NKAP: variants seen among roughly 807,000 people sequenced by gnomAD.
NKAP encodes NFKB activating protein, also known as NF-kappa-B-activating protein.
NKAP carries 4 observed loss-of-function variants against 35.6 expected under a neutral mutation model. The ratio of observed to expected loss-of-function variants is 0.11; its 90% confidence interval spans 0.06 to 0.26. The LOEUF (loss-of-function observed/expected upper bound fraction) is 0.26. NKAP is among the 10% of genes least tolerant of loss of function. NKAP has a pLI of 1.00. For missense variants in NKAP, 238 were observed against 321.9 expected (o/e 0.74, Z 1.99); for synonymous variants, 106 against 119.2 (o/e 0.89, Z 0.72).
Position 119,943,699 on chromosome X carries a change from G to T in NKAP, c.-94C>A. 1 of 996,458 alleles carries T rather than the reference G, an allele frequency of 1.0e-6. No homozygotes were observed. Among genetic ancestry groups the T allele is most frequent in the Non-Finnish European group, 1.3e-6 (1 of 751,901 alleles). The allele number at this position is 996,458 out of a possible 1,213,427, so 82.1% of individuals were successfully genotyped here. On this transcript the variant is annotated 5_prime_UTR_variant, in exon 1 of 9. Transcript: ENST00000371410. ...GCCTTGGTTCCCGGGACCTGCCGCTGCGGAACAGCCCAAATCTGAGGAAAC... is the reference window on the plus strand; with the variant it reads ...GCCTTGGTTCCCGGGACCTGCCGCTTCGGAACAGCCCAAATCTGAGGAAAC...
At chrX:119,943,045 G>T in intron 1 of NKAP, 175 bp downstream of exon 1, 1 of 604,920 alleles carries the variant, frequency 1.7e-6, no homozygotes, top group Non-Finnish European at 2.5e-6. Context: ...GAGGGTAAGG[G>T]AAAATGAAAA....
Position 119,943,426 on chromosome X carries a change from C to T in NKAP, c.180G>A (p.Leu60=), listed in dbSNP as rs751407527. 2 of 1,210,691 alleles carry T rather than the reference C, an allele frequency of 1.7e-6. No homozygotes were observed. Among genetic ancestry groups the T allele is most frequent in the Non-Finnish European group, 2.2e-6 (2 of 894,673 alleles). ...SGDRNGLTHQ[L]GGLSQGSRNQ... ...TTCGGGAGCCTTGGCTGAGGCCACC[C>T]AGCTGATGGGTGAGTCCATTCCGGT... Residue 60 remains leucine (L), a synonymous_variant, in exon 1 of 9, where the codon CTG becomes CTA. Coordinates refer to ENST00000371410, the MANE Select transcript of NKAP (RefSeq NM_024528.4).
chrX:119,935,212 T>C (rs1410412602), intron 4 of NKAP, among the ~76,000 whole-genome samples: 4 of 110,955 alleles, frequency 3.6e-5, no homozygotes, highest in Admixed American at 2.9e-4. Flanking sequence ...TGAGGAATGG[T>C]TGATCAGGAA....
At position 119,922,336 on chromosome X, in the gene NKAP, C is replaced by G. The variant is rs1400705102; in HGVS notation, c.*2884G>C. ...TCAAATTCAGGGGTCATTAATGCTG[C>G]TACATGCTGACTCTTATTTTCAGTA... On this transcript the variant is annotated 3_prime_UTR_variant, in exon 9 of 9. Coordinates refer to ENST00000371410, the MANE Select transcript of NKAP (RefSeq NM_024528.4). The G allele has an allele frequency of 2.7e-5, 3 of 112,073 alleles. No homozygotes were observed. The highest frequency in any genetic ancestry group is 5.6e-5 in the Non-Finnish European group (3 of 53,248). 9.2% of individuals were successfully genotyped at this position (112,073 alleles called of 1,213,427 possible). A position where few individuals can be genotyped will look rare whatever the true frequency, so the allele number is the denominator to read the frequency against.
At chrX:119,928,168 C>G (rs1303356959) in intron 8 of NKAP, among the ~76,000 whole-genome samples, 1 of 111,994 alleles carries the variant, frequency 8.9e-6, no homozygotes. Context: ...AAGATTTATT[C>G]TTAAGTCTCT....
intron 8 of NKAP, 115 bp from the exon 9 acceptor site, chrX:119,925,509 G>T: frequency 4.1e-6 from 3 of 730,387 alleles, no homozygotes; most frequent in Non-Finnish European, 5.7e-6. Context: ...AATTGAAATG[G>T]GTTAAATTTC....
At chrX:119,936,221 CCTT>C (rs2056765144) in intron 4 of NKAP, 73 bp downstream of exon 4, 1 of 1,082,714 alleles carries the variant, frequency 9.2e-7, no homozygotes, top group African/African-American at 1.9e-5. Flanking sequence ...TTTTCAGGAA[CCTT>C]CTTCTAAAAT....
intron 7 of NKAP, among the ~76,000 whole-genome samples, chrX:119,931,564 A>C (rs1435742264): frequency 8.9e-6 from 1 of 112,035 alleles, no homozygotes; most frequent in East Asian, 2.8e-4. Context: ...AAAGGAATAA[A>C]AAATTCTGTG....
chrX:119,934,668 A>G, intron 4 of NKAP, 111 bp from the exon 5 acceptor site: 2 of 472,428 alleles, frequency 4.2e-6, no homozygotes, highest in Non-Finnish European at 6.9e-6. Flanking sequence ...TTACAAAGAA[A>G]TTACCTCATT....
At chrX:119,928,982 C>T (rs1569471579) in intron 8 of NKAP, among the ~76,000 whole-genome samples, 2 of 110,935 alleles carry the variant, frequency 1.8e-5, no homozygotes, top group South Asian at 3.8e-4. Context: ...TTGCAACCTC[C>T]GCCTCCTGGG....
At chrX:119,932,733 T>A (rs1326368563) in intron 5 of NKAP, 1 of 111,091 alleles carries the variant, frequency 9.0e-6, no homozygotes, top group East Asian at 2.8e-4. Context: ...CCCAGCACAT[T>A]GGAAGACTGA....
chrX:119,925,057 A>G lies in NKAP; in HGVS notation c.*163T>C. The G allele has an allele frequency of 1.9e-6, 1 of 526,567 alleles. No homozygotes were observed. Among genetic ancestry groups the G allele is most frequent in the Non-Finnish European group, 3.0e-6 (1 of 331,718 alleles). 43.4% of individuals were successfully genotyped at this position (526,567 alleles called of 1,213,427 possible). A position where few individuals can be genotyped will look rare whatever the true frequency, so the allele number is the denominator to read the frequency against. On this transcript the variant is annotated 3_prime_UTR_variant, in exon 9 of 9. Transcript: ENST00000371410. ...ATAACCCAAAGAACTTGCTAAAGTT[A>G]TATCAATAAGCAGCTTTTTATTGAA...
At chrX:119,932,340 A>G in intron 5 of NKAP, 124 bp from the exon 6 acceptor site, 1 of 426,120 alleles carries the variant, frequency 2.3e-6, no homozygotes, top group Non-Finnish European at 3.9e-6. Flanking sequence ...AAGGCAAAGA[A>G]AGGTGACAAT....
chrX:119,934,201 G>A (rs1418764481), intron 5 of NKAP, among the ~76,000 whole-genome samples: 2 of 109,375 alleles, frequency 1.8e-5, no homozygotes, highest in Non-Finnish European at 3.8e-5. Flanking sequence ...GGGAGGCCAA[G>A]GTGGGAGGAT....
In NKAP at chrX:119,943,745, C is replaced by T; in HGVS notation, c.-140G>A. On this transcript the variant is annotated 5_prime_UTR_variant, in exon 1 of 9. Transcript: ENST00000371410. The stretch of plus-strand genomic sequence containing the variant: ...GAAACCTTGGACACAGTTCTGGGTA[C>T]TTCTGCAAAACCCTTCCCCGGATCT... 1.4e-6 allele frequency: 1 copy of T among 703,741 alleles called. No homozygotes were observed. The highest frequency in any genetic ancestry group is 2.0e-6 in the Non-Finnish European group (1 of 507,497). 58.0% of individuals were successfully genotyped at this position (703,741 alleles called of 1,213,427 possible). A position where few individuals can be genotyped will look rare whatever the true frequency, so the allele number is the denominator to read the frequency against.
At chrX:119,934,210 A>G (rs2056754781) in intron 5 of NKAP, among the ~76,000 whole-genome samples, 1 of 108,980 alleles carries the variant, frequency 9.2e-6, no homozygotes, top group South Asian at 4.0e-4. Context: ...AGGTGGGAGG[A>G]TCACTTGAGG....
chrX:119,927,066 A>AAAAC (rs2056718390), intron 8 of NKAP, among the ~76,000 whole-genome samples: 1 of 104,797 alleles, frequency 9.5e-6, no homozygotes, highest in Admixed American at 1.0e-4. Context: ...GGTCTCAAAA[A>AAAAC]AAAAAAAAAA....
At chrX:119,936,167 C>A (rs1357890138) in intron 4 of NKAP, 130 bp downstream of exon 4, 2 of 677,646 alleles carry the variant, frequency 3.0e-6, no homozygotes, top group East Asian at 3.5e-5. Context: ...GGGTACCTGG[C>A]ACAAGGTTAG....
chrX:119,931,882 A>T, intron 7 of NKAP, 54 bp downstream of exon 7: 1 of 968,044 alleles, frequency 1.0e-6, no homozygotes, highest in Non-Finnish European at 1.4e-6. Context: ...AAGGTAAGTT[A>T]GAACCAGACT....
Sources: gnomAD v4.1 joint callset for allele counts (sites outside exome capture counted in the v4.1 genomes callset) on GRCh38, gnomAD v4.1.1 for gene constraint, MANE v1.5 for transcripts, NCBI Gene and HGNC (gene_info 2026-07-23, HGNC 2026-07-21) for gene names.